EYS: variants seen among roughly 807,000 people sequenced by gnomAD.
The protein encoded by EYS is protein eyes shut homolog.
EYS carries 250 observed loss-of-function variants against 282.1 expected under a neutral mutation model. That is an observed-to-expected ratio of 0.89 (90% CI 0.80 to 0.98). The LOEUF (loss-of-function observed/expected upper bound fraction) is 0.98. Ranked by LOEUF, EYS falls within the 50% of genes least tolerant of loss-of-function variation. The pLI, the probability that EYS is intolerant of heterozygous loss-of-function variation, is 0.00. For synonymous variants in EYS, 1,355 were observed against 1,282.9 expected (o/e 1.06, Z -1.20); for missense variants, 4,016 against 3,709.0 (o/e 1.08, Z -2.15).
At chr6:65,114,214 T>A (rs75499189) in intron 12 of EYS, among the ~76,000 whole-genome samples, 3,855 of 152,062 alleles carry the variant, frequency 0.025, 171 homozygotes, top group African/African-American at 0.089. Context: ...AATGTTAAAG[T>A]ATTCTAAATA....
At chr6:65,065,662 C>G (rs181416077) in intron 12 of EYS, among the ~76,000 whole-genome samples, 1 of 151,990 alleles carries the variant, frequency 6.6e-6, no homozygotes, top group Non-Finnish European at 1.5e-5. Context: ...GGATTACAGG[C>G]GTGAGCCACC....
chr6:65,267,601 A>T (rs1767792563), intron 12 of EYS, among the ~76,000 whole-genome samples: 1 of 151,960 alleles, frequency 6.6e-6, no homozygotes, highest in Non-Finnish European at 1.5e-5. Context: ...TTACTTATGT[A>T]TGTATTTTTC....
intron 29 of EYS, among the ~76,000 whole-genome samples, chr6:64,345,922 AT>A (rs1771371554): frequency 6.6e-6 from 1 of 152,200 alleles, no homozygotes; most frequent in South Asian, 2.1e-4. Flanking sequence ...AAAAGAAGAC[AT>A]TTATGCAGCC....
At chr6:64,932,931 G>C (rs1768773845) in intron 15 of EYS, among the ~76,000 whole-genome samples, 1 of 152,058 alleles carries the variant, frequency 6.6e-6, no homozygotes, top group Non-Finnish European at 1.5e-5. Flanking sequence ...TACTAGGAAA[G>C]AGCAAGATTT....
intron 23 of EYS, among the ~76,000 whole-genome samples, chr6:64,625,211 A>T (rs1235300338): frequency 6.6e-6 from 1 of 152,202 alleles, no homozygotes; most frequent in Non-Finnish European, 1.5e-5. Flanking sequence ...GAACTAAAGA[A>T]AAAAGAAGGA....
chr6:63,818,458 A>G (rs1771238074), intron 36 of EYS, among the ~76,000 whole-genome samples: 1 of 152,194 alleles, frequency 6.6e-6, no homozygotes, highest in African/African-American at 2.4e-5. Context: ...GGGTTTTACC[A>G]GAACACTTTT....
chr6:65,009,371 G>T (rs1215553973), intron 13 of EYS, among the ~76,000 whole-genome samples: 1 of 152,106 alleles, frequency 6.6e-6, no homozygotes, highest in African/African-American at 2.4e-5. Context: ...ACATCTCAGG[G>T]CTATCAATGA....
At chr6:64,521,060 G>A (rs373030824) in intron 26 of EYS, among the ~76,000 whole-genome samples, 59 of 151,872 alleles carry the variant, frequency 3.9e-4, no homozygotes, top group Non-Finnish European at 6.9e-4. Flanking sequence ...GACAGAAAAC[G>A]AAGTGACATA....
At chr6:65,044,448 C>A (rs1455372428) in intron 13 of EYS, among the ~76,000 whole-genome samples, 1 of 151,658 alleles carries the variant, frequency 6.6e-6, no homozygotes, top group Non-Finnish European at 1.5e-5. Context: ...ACAAAATATC[C>A]TTGCCCAATC....
chr6:64,007,890 A>G (rs532995692), intron 33 of EYS, among the ~76,000 whole-genome samples: 1 of 152,192 alleles, frequency 6.6e-6, no homozygotes, highest in South Asian at 2.1e-4. Context: ...TTTGCTGAGG[A>G]TTGTTTTATG....
At chr6:63,913,124 A>AT (rs1764319608) in intron 35 of EYS, among the ~76,000 whole-genome samples, 6 of 152,196 alleles carry the variant, frequency 3.9e-5, no homozygotes, top group Admixed American at 3.9e-4. Flanking sequence ...AGGGAAAGTC[A>AT]TTTTTTCATA....
chr6:63,722,292 C>A (rs1417885406), intron 42 of EYS, among the ~76,000 whole-genome samples: 1 of 152,110 alleles, frequency 6.6e-6, no homozygotes, highest in Non-Finnish European at 1.5e-5. Flanking sequence ...AACACTCCGC[C>A]ACCCCATTCC....
chr6:64,295,410 G>A (rs1438213960), intron 30 of EYS, among the ~76,000 whole-genome samples: 1 of 2,868 alleles, frequency 3.5e-4, no homozygotes, highest in Non-Finnish European at 5.0e-4. Context: ...AGGAAGGAGA[G>A]GAAAGAAGAA....
intron 10 of EYS, among the ~76,000 whole-genome samples, 196 bp downstream of exon 10, chr6:65,343,842 A>G (rs1770289124): frequency 6.6e-6 from 1 of 151,542 alleles, no homozygotes; most frequent in African/African-American, 2.4e-5. Context: ...ACTTTCCCAT[A>G]TTATAAATGT....
chr6:64,620,723 G>A (rs1767420218), intron 23 of EYS, among the ~76,000 whole-genome samples: 1 of 152,026 alleles, frequency 6.6e-6, no homozygotes, highest in Admixed American at 6.6e-5. Flanking sequence ...TTAATGTTCA[G>A]AAATGAAATA....
At chr6:64,915,384 T>C (rs1768127657) in intron 15 of EYS, among the ~76,000 whole-genome samples, 1 of 152,154 alleles carries the variant, frequency 6.6e-6, no homozygotes, top group Non-Finnish European at 1.5e-5. Flanking sequence ...ACAATAAATG[T>C]TGACAATACT....
At chr6:63,901,366 C>G (rs1396975126) in intron 35 of EYS, among the ~76,000 whole-genome samples, 1 of 152,124 alleles carries the variant, frequency 6.6e-6, no homozygotes, top group Admixed American at 6.5e-5. Flanking sequence ...GTGAAATAAA[C>G]ATACTGTTCG....
chr6:64,332,318 T>C (rs1215220694), intron 29 of EYS, among the ~76,000 whole-genome samples: 1 of 152,164 alleles, frequency 6.6e-6, no homozygotes, highest in Non-Finnish European at 1.5e-5. Context: ...GAATTAACCT[T>C]AAGAAGGCAA....
At chr6:65,039,543 T>C (rs1297781525) in intron 13 of EYS, among the ~76,000 whole-genome samples, 1 of 151,506 alleles carries the variant, frequency 6.6e-6, no homozygotes, top group African/African-American at 2.4e-5. Flanking sequence ...GGGATTACAT[T>C]GAATCTATGA....
Sources: allele counts gnomAD v4.1 joint callset (sites outside exome capture counted in the v4.1 genomes callset), GRCh38; gene constraint gnomAD v4.1.1; transcripts MANE v1.5; gene names NCBI Gene and HGNC (gene_info 2026-07-23, HGNC 2026-07-21).